ENPP2: variants seen among roughly 807,000 people sequenced by gnomAD.
ENPP2 encodes ectonucleotide pyrophosphatase/phosphodiesterase 2, also known as autotaxin.
In ENPP2, 51 loss-of-function variants were observed where a neutral mutation model predicts 120.2. That is an observed-to-expected ratio of 0.42 (90% confidence interval 0.34 to 0.54). The LOEUF (loss-of-function observed/expected upper bound fraction) is 0.54. Ranked by LOEUF, ENPP2 falls within the 20% of genes least tolerant of loss-of-function variation. The pLI is 0.04. For missense variants in ENPP2, 920 were observed against 1,066.5 expected, an observed-to-expected ratio of 0.86 and a Z score of 1.91; for synonymous variants, 365 against 366.4, an observed-to-expected ratio of 1.00 and a Z score of 0.04.
At chr8:119,607,531 C>G (rs1230635909) in intron 9 of ENPP2, among the ~76,000 whole-genome samples, 3 of 151,876 alleles carry the variant, frequency 2.0e-5, no homozygotes, top group Non-Finnish European at 4.4e-5. Flanking sequence ...AAAAATTAGC[C>G]GGGAGTGGTA....
At chr8:119,630,601 C>T (rs1816595150) in intron 2 of ENPP2, among the ~76,000 whole-genome samples, 1 of 147,960 alleles carries the variant, frequency 6.8e-6, no homozygotes, top group Non-Finnish European at 1.5e-5. Flanking sequence ...CTTGCCAAAC[C>T]TAAAGACAAG....
In ENPP2 at chr8:119,616,250, A is replaced by T. The variant is rs200143682; in HGVS notation, c.777+15T>A. 2.0e-4 allele frequency: 323 copies of T among 1,599,462 alleles called. No individual in the cohort carries two copies. The highest frequency in any genetic ancestry group is 5.0e-4 in the Middle Eastern group (3 of 6,026). ...ACACACAAACACATAGACACACAAT[A>T]AATGCAAAACTTACCGGTTGACCTC... On this transcript the variant is annotated intron_variant, in intron 8 of 24. Coordinates refer to ENST00000075322, the MANE Select transcript of ENPP2 (RefSeq NM_001040092.3).
At chr8:119,653,965 G>T (rs1452094252) in intron 1 of ENPP2, among the ~76,000 whole-genome samples, 2 of 146,156 alleles carry the variant, frequency 1.4e-5, no homozygotes, top group Non-Finnish European at 1.5e-5. Context: ...TAATATAATA[G>T]ATTACATATT....
chr8:119,606,834 C>A (rs943939126), intron 9 of ENPP2, among the ~76,000 whole-genome samples: 1 of 147,250 alleles, frequency 6.8e-6, no homozygotes, highest in Non-Finnish European at 1.5e-5. Context: ...CAGGCAAATA[C>A]AGAAACAGCT....
intron 1 of ENPP2, among the ~76,000 whole-genome samples, chr8:119,667,036 G>T (rs1587595994): frequency 6.6e-6 from 1 of 152,022 alleles, no homozygotes; most frequent in Non-Finnish European, 1.5e-5. Flanking sequence ...AGGGCTGGAT[G>T]GTCATAAAAT....
At chr8:119,565,136 C>A (rs572415481) in intron 22 of ENPP2, among the ~76,000 whole-genome samples, 181 bp from the exon 23 acceptor site, 8 of 152,090 alleles carry the variant, frequency 5.3e-5, no homozygotes, top group Admixed American at 5.2e-4. Flanking sequence ...CATTTACAAA[C>A]CAGCAAAGGG....
intron 1 of ENPP2, among the ~76,000 whole-genome samples, chr8:119,645,344 A>C (rs917180977): frequency 6.6e-6 from 1 of 151,882 alleles, no homozygotes; most frequent in African/African-American, 2.4e-5. Context: ...CTTAAACTCA[A>C]CTCACTTTTT....
chr8:119,577,994 T>C (rs1365150318), intron 19 of ENPP2, among the ~76,000 whole-genome samples: 1 of 152,180 alleles, frequency 6.6e-6, no homozygotes, highest in Non-Finnish European at 1.5e-5. Context: ...ACTAAGAAGA[T>C]GTGTCTTATT....
intron 23 of ENPP2, among the ~76,000 whole-genome samples, chr8:119,563,803 T>G (rs1191735790): frequency 6.6e-6 from 1 of 152,064 alleles, no homozygotes; most frequent in African/African-American, 2.4e-5. Context: ...CTCTTCAGAA[T>G]GACTGGAAAA....
intron 24 of ENPP2, among the ~76,000 whole-genome samples, chr8:119,559,412 C>T (rs1003649567): frequency 1.3e-5 from 2 of 152,154 alleles, no homozygotes; most frequent in Non-Finnish European, 2.9e-5. Context: ...TGATGGCTAG[C>T]TGGGATTATA....
chr8:119,624,753 A>G (rs2130763669), intron 3 of ENPP2, among the ~76,000 whole-genome samples: 1 of 152,326 alleles, frequency 6.6e-6, no homozygotes, highest in Non-Finnish European at 1.5e-5. Flanking sequence ...ACACAGTTGG[A>G]AGAGTATACA....
chr8:119,590,366 A>C, intron 13 of ENPP2, 139 bp downstream of exon 13: 1 of 543,036 alleles, frequency 1.8e-6, no homozygotes, highest in Non-Finnish European at 3.1e-6. Flanking sequence ...TAGAGTCTAA[A>C]TGACTTATTT....
At chr8:119,633,640 C>T (rs532046020) in intron 2 of ENPP2, among the ~76,000 whole-genome samples, 6 of 151,910 alleles carry the variant, frequency 3.9e-5, no homozygotes, top group South Asian at 2.1e-4. Flanking sequence ...ATACTTTTTT[C>T]GTATTGAATT....
chr8:119,623,128 T>G (rs1816021572), intron 3 of ENPP2, among the ~76,000 whole-genome samples: 1 of 152,150 alleles, frequency 6.6e-6, no homozygotes, highest in Non-Finnish European at 1.5e-5. Context: ...CTTAGTAATA[T>G]TCTACCAAGA....
intron 18 of ENPP2, among the ~76,000 whole-genome samples, chr8:119,581,829 G>T (rs900757695): frequency 1.4e-5 from 2 of 147,600 alleles, no homozygotes; most frequent in South Asian, 2.2e-4. Flanking sequence ...ACACAATCCC[G>T]GCTCACTGCA....
chr8:119,663,124 A>G (rs999523858), intron 1 of ENPP2, among the ~76,000 whole-genome samples: 1 of 150,682 alleles, frequency 6.6e-6, no homozygotes, highest in Admixed American at 6.6e-5. Context: ...TGTCTCAAAA[A>G]AAAAAAAAAA....
At chr8:119,660,805 T>C (rs987862519) in intron 1 of ENPP2, among the ~76,000 whole-genome samples, 6 of 152,174 alleles carry the variant, frequency 3.9e-5, no homozygotes, top group Non-Finnish European at 8.8e-5. Context: ...GCTGTTGTAG[T>C]GCGAAAGTGG....
At chr8:119,570,029 G>T (rs1485690071) in intron 20 of ENPP2, among the ~76,000 whole-genome samples, 1 of 152,142 alleles carries the variant, frequency 6.6e-6, no homozygotes, top group Non-Finnish European at 1.5e-5. Flanking sequence ...AGCACTTTGG[G>T]AGGCCGAGGC....
chr8:119,589,782 A>AT (rs951452988), intron 13 of ENPP2, among the ~76,000 whole-genome samples: 1 of 151,610 alleles, frequency 6.6e-6, no homozygotes, highest in African/African-American at 2.4e-5. Flanking sequence ...ACTCTAAAGA[A>AT]TTTTTTTTTC....
Sources: allele counts gnomAD v4.1 joint callset (sites outside exome capture counted in the v4.1 genomes callset), GRCh38; gene constraint gnomAD v4.1.1; transcripts MANE v1.5; gene names NCBI Gene and HGNC (gene_info 2026-07-23, HGNC 2026-07-21).